The following XKR6 variants were observed in gnomAD, a reference collection of about 807,000 sequenced individuals.
XKR6 encodes the protein XK-related protein 6.
XKR6 carries 22 observed loss-of-function variants against 56.7 expected under a neutral mutation model. The observed-to-expected ratio is 0.39, with a 90% CI of 0.28 to 0.55. XKR6 has a LOEUF of 0.55. Ranked by LOEUF, XKR6 falls within the 20% of genes least tolerant of loss-of-function variation. The pLI, the probability that XKR6 is intolerant of heterozygous loss-of-function variation, is 0.66. For synonymous variants in XKR6, 524 were observed against 387.8 expected (o/e 1.35, Z -4.13); for missense variants, 852 against 889.0 (o/e 0.96, Z 0.53).
intron 1 of XKR6, among the ~76,000 whole-genome samples, chr8:11,143,274 G>T (rs1563170453): frequency 6.6e-6 from 1 of 152,222 alleles, no homozygotes; most frequent in African/African-American, 2.4e-5. Context: ...AAGATCAGCA[G>T]TAGTACTGTG....
chr8:10,964,990 C>T (rs1215969659), intron 1 of XKR6, among the ~76,000 whole-genome samples: 2 of 152,234 alleles, frequency 1.3e-5, no homozygotes, highest in Non-Finnish European at 2.9e-5. Flanking sequence ...GGATCCAACC[C>T]TCCTCTTTAC....
At chr8:11,140,754 C>T (rs549448270) in intron 1 of XKR6, among the ~76,000 whole-genome samples, 13 of 151,930 alleles carry the variant, frequency 8.6e-5, no homozygotes, top group Admixed American at 2.0e-4. Context: ...AACAATTAGC[C>T]AGGCATGGTG....
chr8:10,928,763 A>G (rs1586317127), intron 1 of XKR6, among the ~76,000 whole-genome samples: 1 of 152,124 alleles, frequency 6.6e-6, no homozygotes, highest in Non-Finnish European at 1.5e-5. Context: ...ATTGGCTGCC[A>G]TTCCTCCAAG....
intron 1 of XKR6, among the ~76,000 whole-genome samples, chr8:11,121,474 A>G (rs1317582527): frequency 6.6e-6 from 1 of 152,234 alleles, no homozygotes; most frequent in Non-Finnish European, 1.5e-5. Flanking sequence ...GCAAATTAAA[A>G]CCACAATGAG....
chr8:10,903,593 G>A (rs1050049302), intron 2 of XKR6, among the ~76,000 whole-genome samples: 30 of 152,130 alleles, frequency 2.0e-4, no homozygotes, highest in African/African-American at 6.8e-4. Flanking sequence ...TTAAAGAGGT[G>A]ATTAAGGTAA....
intron 1 of XKR6, among the ~76,000 whole-genome samples, chr8:11,065,669 T>C (rs1799958673): frequency 6.6e-6 from 1 of 152,144 alleles, no homozygotes; most frequent in Non-Finnish European, 1.5e-5. Context: ...AACTTACTCC[T>C]TCCTCTCATT....
At chr8:11,108,211 A>G (rs1008090653) in intron 1 of XKR6, 4 of 447,958 alleles carry the variant, frequency 8.9e-6, no homozygotes, top group African/African-American at 4.0e-5. Flanking sequence ...AAATTAACCA[A>G]ATTCAGAAAT....
intron 1 of XKR6, among the ~76,000 whole-genome samples, chr8:11,115,798 A>C (rs141747406): frequency 6.6e-6 from 1 of 152,352 alleles, no homozygotes; most frequent in Non-Finnish European, 1.5e-5. Flanking sequence ...TTCACAAAAA[A>C]ATCTGCAACC....
intron 1 of XKR6, among the ~76,000 whole-genome samples, chr8:11,152,172 T>C (rs1005560202): frequency 6.6e-5 from 10 of 152,188 alleles, no homozygotes; most frequent in African/African-American, 2.4e-4. Context: ...TTGGGAATCT[T>C]AGGGCCTGAA....
At chr8:10,976,509 G>A (rs1486118687) in intron 1 of XKR6, among the ~76,000 whole-genome samples, 1 of 152,168 alleles carries the variant, frequency 6.6e-6, no homozygotes, top group Non-Finnish European at 1.5e-5. Context: ...CCCCCGGGTG[G>A]TGTTAGGGCT....
At chr8:11,115,397 T>C (rs900181547) in intron 1 of XKR6, among the ~76,000 whole-genome samples, 1 of 152,234 alleles carries the variant, frequency 6.6e-6, no homozygotes, top group Non-Finnish European at 1.5e-5. Context: ...ACTGAAGCCA[T>C]AATTTAAAAT....
At chr8:11,077,788 C>G (rs979999449) in intron 1 of XKR6, among the ~76,000 whole-genome samples, 1 of 152,212 alleles carries the variant, frequency 6.6e-6, no homozygotes, top group African/African-American at 2.4e-5. Flanking sequence ...CCCATGGCAA[C>G]CGCTCCAATC....
intron 1 of XKR6, among the ~76,000 whole-genome samples, chr8:10,974,732 G>T (rs182898243): frequency 6.6e-5 from 10 of 152,246 alleles, no homozygotes; most frequent in African/African-American, 2.2e-4. Context: ...TCTTCTCCAG[G>T]AGGTGCTTCC....
chr8:11,165,328 G>A (rs1802019308), intron 1 of XKR6, among the ~76,000 whole-genome samples: 1 of 152,046 alleles, frequency 6.6e-6, no homozygotes, highest in Non-Finnish European at 1.5e-5. Context: ...TTGAACTCCT[G>A]ACCTCATGAT....
At chr8:11,062,704 T>C (rs757871564) in intron 1 of XKR6, 1 of 455,406 alleles carries the variant, frequency 2.2e-6, no homozygotes. Flanking sequence ...GTTTCATCTA[T>C]TTTATGGAAC....
intron 1 of XKR6, chr8:11,128,857 C>T: frequency 2.2e-6 from 1 of 456,884 alleles, no homozygotes; most frequent in Non-Finnish European, 4.4e-6. Flanking sequence ...CTGTCACCAT[C>T]TTCAGCCAAG....
In XKR6 at chr8:11,020,269, C is replaced by T. The variant is rs576315151; in HGVS notation, c.765-95439G>A. On this transcript the variant is annotated intron_variant, in intron 1 of 2. Transcript: ENST00000416569. ...TTCATATGATTTCAGTGTAGGAAGC[C>T]GACACCGTCTGTGCATCCCGACACG... is the stretch of plus-strand genomic sequence containing the variant. Among the ~76,000 whole-genome samples, 57 of 152,246 alleles carry T rather than the reference C, an allele frequency of 3.7e-4. 1 individual carries two copies. Among genetic ancestry groups the T allele is most frequent in the African/African-American group, 1.3e-3 (55 of 41,542 alleles).
At chr8:11,185,336 G>A (rs939336412) in intron 1 of XKR6, among the ~76,000 whole-genome samples, 1 of 152,118 alleles carries the variant, frequency 6.6e-6, no homozygotes, top group Non-Finnish European at 1.5e-5. Context: ...AAAGTTTGGT[G>A]GTGTTTTTGT....
intron 1 of XKR6, among the ~76,000 whole-genome samples, chr8:10,929,551 G>A (rs2129119194): frequency 6.6e-6 from 1 of 152,336 alleles, no homozygotes; most frequent in East Asian, 1.9e-4. Flanking sequence ...GCCTGACAGT[G>A]GGGAAGAAAG....
Sources: gnomAD v4.1 joint callset for allele counts (sites outside exome capture counted in the v4.1 genomes callset) on GRCh38, gnomAD v4.1.1 for gene constraint, MANE v1.5 for transcripts, NCBI Gene and HGNC (gene_info 2026-07-23, HGNC 2026-07-21) for gene names.